Variants in DET1 observed in about 807,000 individuals in gnomAD.
DET1 encodes the protein DET1 partner of COP1 E3 ubiquitin ligase.
DET1 carries 22 observed loss-of-function variants against 43.7 expected under a neutral mutation model. The observed-to-expected ratio is 0.50, with a 90% CI of 0.36 to 0.72. The LOEUF (loss-of-function observed/expected upper bound fraction) is 0.72. Among genes scored for constraint, DET1 ranks in the 30% least tolerant of loss-of-function variants. DET1 has a pLI of 0.00. For synonymous variants in DET1, 315 were observed against 266.2 expected (o/e 1.18, Z -1.79); for missense variants, 713 against 713.3 (o/e 1.00, Z 0.00).
chr15:88,506,265 G>A (rs983874552), intron 7 of DET1, among the ~76,000 whole-genome samples: 2 of 152,176 alleles, frequency 1.3e-5, no homozygotes, highest in African/African-American at 2.4e-5. Context: ...ATCATGCCCA[G>A]GGGTACATCA....
chr15:88,529,428 T>A (rs2056753537), intron 2 of DET1, among the ~76,000 whole-genome samples: 1 of 152,154 alleles, frequency 6.6e-6, no homozygotes. Context: ...ATGAACCAGA[T>A]GCTCACCCAT....
intron 3 of DET1, 123 bp downstream of exon 3, chr15:88,527,476 A>C: frequency 3.6e-6 from 3 of 832,786 alleles, no homozygotes; most frequent in Non-Finnish European, 5.3e-6. Context: ...AAGGGGTTAT[A>C]ATAAGCAGAA....
chr15:88,511,732 T>G (rs2056203829), downstream of DET1: 1 of 396,280 alleles, frequency 2.5e-6, no homozygotes, highest in South Asian at 1.0e-4. Context: ...GAGACTGAAT[T>G]TAGCTACTCC....
chr15:88,534,578 A>C lies in DET1; in HGVS notation c.-10-2863T>G, dbSNP rs538862480. On this transcript the variant is annotated intron_variant, in intron 1 of 4. Coordinates refer to ENST00000268148, the MANE Select transcript of DET1 (RefSeq NM_001144074.3). Reference sequence around the variant, plus strand: ...ATGGGGAGGAGCTCAGAAAAGTAACATCATGAAGTTGTTCATGAACTCCCA... The same window carrying C: ...ATGGGGAGGAGCTCAGAAAAGTAACCTCATGAAGTTGTTCATGAACTCCCA... Among the ~76,000 whole-genome samples the C allele has an allele frequency of 1.1e-4, 16 of 152,342 alleles. 1 individual carries two copies. The South Asian group carries it at 3.1e-3, about 30-fold the overall frequency.
intron 1 of DET1, among the ~76,000 whole-genome samples, chr15:88,537,494 C>G (rs2056983860): frequency 6.6e-6 from 1 of 152,298 alleles, no homozygotes; most frequent in South Asian, 2.1e-4. Flanking sequence ...AGCTACCACA[C>G]CTGACCCCTA....
chr15:88,521,398 T>C (rs2056486305), intron 3 of DET1, among the ~76,000 whole-genome samples: 1 of 152,246 alleles, frequency 6.6e-6, no homozygotes, highest in African/African-American at 2.4e-5. Context: ...ATTTTGTTTT[T>C]TCCTTGGACA....
intron 3 of DET1, among the ~76,000 whole-genome samples, chr15:88,526,079 T>C (rs1251637770): frequency 2.6e-5 from 4 of 152,192 alleles, no homozygotes; most frequent in African/African-American, 9.7e-5. Context: ...CATCTAAAAA[T>C]TCTTCTATAC....
At chr15:88,544,448 A>G (rs2142352490) in intron 1 of DET1, among the ~76,000 whole-genome samples, 1 of 152,276 alleles carries the variant, frequency 6.6e-6, no homozygotes, top group East Asian at 1.9e-4. Context: ...TCACAAGCTA[A>G]TTTATTACAG....
chr15:88,509,393 G>C (rs549506105), downstream of DET1, among the ~76,000 whole-genome samples: 1 of 152,292 alleles, frequency 6.6e-6, no homozygotes, highest in African/African-American at 2.4e-5. Flanking sequence ...AAACAAATAA[G>C]GAAAGTCTTA....
At chr15:88,510,178 T>C (rs2056182396), downstream of DET1, among the ~76,000 whole-genome samples, 3 of 151,780 alleles carry the variant, frequency 2.0e-5, no homozygotes, top group African/African-American at 7.3e-5. Context: ...GTGGTCAGAG[T>C]GGGGTGTATG....
chr15:88,520,818 G>A (rs1375469358), intron 3 of DET1, among the ~76,000 whole-genome samples: 1 of 152,288 alleles, frequency 6.6e-6, no homozygotes, highest in Non-Finnish European at 1.5e-5. Context: ...TAGGTGCTTA[G>A]GATACATCAG....
chr15:88,535,745 G>C (rs1012791836), intron 1 of DET1, among the ~76,000 whole-genome samples: 1 of 151,236 alleles, frequency 6.6e-6, no homozygotes, highest in Non-Finnish European at 1.5e-5. Context: ...AATGCAGTGA[G>C]ACTCTGTCAA....
rs746255778 is a variant in DET1, at chr15:88,530,753, C to G, written c.953G>C (p.Arg318Pro). 4 of 1,613,744 alleles carry G rather than the reference C, an allele frequency of 2.5e-6. No individual in the cohort carries two copies. The change falls in exon 2 of 5, where the codon CGC becomes CCC. Residue 318 changes from arginine (R) to proline (P), a missense_variant. Transcript: ENST00000268148. ...CAGTTGGTCAAAATACTGGAAGAAG[C>G]GCCTCTTGGCCATTGCACTACCATC... ...EQDGSAMAKRRFFQYFDQLRQ... is the reference protein window; with the variant it reads ...EQDGSAMAKRPFFQYFDQLRQ...
At chr15:88,522,879 TC>T (rs1324978591) in intron 3 of DET1, among the ~76,000 whole-genome samples, 3 of 140,178 alleles carry the variant, frequency 2.1e-5, no homozygotes, top group African/African-American at 3.1e-5. Context: ...GTTTTTTTTT[TC>T]TTCTTCTTTT....
At chr15:88,540,387 C>T (rs184159823) in intron 1 of DET1, among the ~76,000 whole-genome samples, 4 of 152,024 alleles carry the variant, frequency 2.6e-5, no homozygotes, top group African/African-American at 7.2e-5. Context: ...TTCTGATACT[C>T]CAGCCCCCCA....
chr15:88,534,882 T>G (rs1393949334), intron 1 of DET1, among the ~76,000 whole-genome samples: 2 of 152,214 alleles, frequency 1.3e-5, no homozygotes, highest in Admixed American at 1.3e-4. Flanking sequence ...TCTTATAATA[T>G]TCAAAATGTC....
chr15:88,521,122 A>C (rs1466981000), intron 3 of DET1, among the ~76,000 whole-genome samples: 1 of 152,172 alleles, frequency 6.6e-6, no homozygotes, highest in East Asian at 1.9e-4. Context: ...CCCTATTTCC[A>C]AGTACTCTGC....
chr15:88,527,727 A>G lies in DET1; in HGVS notation c.1143T>C (p.Asn381=). 1 of 1,613,814 alleles carries G rather than the reference A, an allele frequency of 6.2e-7. No homozygotes were observed. ...AGAGCTCCAAAAGCTCATCTGATGT[A>G]TTCTCAAACACAGCAATCACCTCTG... is the stretch of plus-strand genomic sequence containing the variant. ...VTTEVIAVFE[N]TSDELLELFE... Residue 381 remains asparagine (N), a synonymous_variant, in exon 3 of 5, where the codon AAT becomes AAC. Transcript: ENST00000268148.
chr15:88,518,939 A>G lies in DET1; in HGVS notation c.1272-1966T>C, dbSNP rs140498670. On this transcript the variant is annotated intron_variant, in intron 3 of 4. Coordinates refer to ENST00000268148, the MANE Select transcript of DET1 (RefSeq NM_001144074.3). ...TACTGACAGTAATTTTCACAGCCTC[A>G]GTATAAATCATAAAAATAAATCTTG... 3.7e-3 allele frequency among the ~76,000 whole-genome samples: 557 copies of G among 152,324 alleles called. 3 individuals are homozygous for G. The highest frequency in any genetic ancestry group is 0.013 in the African/African-American group (543 of 41,574).
Sources: gnomAD v4.1 joint callset for allele counts (sites outside exome capture counted in the v4.1 genomes callset) on GRCh38, gnomAD v4.1.1 for gene constraint, MANE v1.5 for transcripts, NCBI Gene and HGNC (gene_info 2026-07-23, HGNC 2026-07-21) for gene names.